The following SLC44A1 variants were observed in gnomAD, a reference collection of about 807,000 sequenced individuals.
SLC44A1 encodes choline transporter-like protein 1.
A neutral mutation model predicts 79.3 loss-of-function variants in SLC44A1; 26 were observed. The ratio of observed to expected loss-of-function variants is 0.33; its 90% CI spans 0.24 to 0.46. SLC44A1 has a LOEUF of 0.46. Ranked by LOEUF, SLC44A1 falls within the 20% of genes least tolerant of loss-of-function variation. The probability of loss-of-function intolerance (pLI) is 1.00; values close to 1 mark genes in which losing one functional copy is unlikely to be tolerated. For missense variants in SLC44A1, 688 were observed against 798.1 expected (o/e 0.86, Z 1.66); for synonymous variants, 263 against 286.2 (o/e 0.92, Z 0.82).
At chr9:105,417,700 G>A (rs1337081392) in intron 15 of SLC44A1, among the ~76,000 whole-genome samples, 1 of 151,972 alleles carries the variant, frequency 6.6e-6, no homozygotes, top group African/African-American at 2.4e-5. Flanking sequence ...ATATCAGTGA[G>A]CCATCAGAAG....
At position 105,395,236 on chromosome 9, in the gene SLC44A1, T is replaced by C. The variant is rs1265487190; in HGVS notation, c.*6180T>C. 3 of 966,832 alleles carry C rather than the reference T, an allele frequency of 3.1e-6. No homozygotes were observed. Among genetic ancestry groups the C allele is most frequent in the Non-Finnish European group, 3.7e-6 (3 of 813,184 alleles). The allele number at this position is 966,832 out of a possible 1,614,324, so 59.9% of individuals were successfully genotyped here. A position where few individuals can be genotyped will look rare whatever the true frequency, so the allele number is the denominator to read the frequency against. ...TTTTTTGTTTGTTTTTGGTGTTTTT[T>C]TGAGACGGAGTCTCGCTCTATCGCC... On this transcript the variant is annotated 3_prime_UTR_variant, in exon 16 of 16. Coordinates refer to ENST00000374720, the MANE Select transcript of SLC44A1 (RefSeq NM_080546.5).
In SLC44A1 at chr9:105,374,630, C is replaced by T. The variant is rs1011853426; in HGVS notation, c.1527C>T (p.Thr509=). 6.2e-7 allele frequency: 1 copy of T among 1,614,010 alleles called. No homozygotes were observed. The highest frequency in any genetic ancestry group is 8.5e-7 in the Non-Finnish European group (1 of 1,179,968). ...ACACAGCCACAGCTATCAACAGCAC[C>T]AACTTCTGCACCTCAGCAAAGGATG... is the stretch of plus-strand genomic sequence containing the variant. ...NAYTATAINS[T]NFCTSAKDAF... is the part of the protein sequence containing the mutation. Residue 509 remains threonine (T), a synonymous_variant, in exon 13 of 16, where the codon ACC becomes ACT. Coordinates refer to ENST00000374720, the MANE Select transcript of SLC44A1 (RefSeq NM_080546.5).
intron 3 of SLC44A1, among the ~76,000 whole-genome samples, chr9:105,320,442 A>T (rs982850885): frequency 3.3e-5 from 5 of 152,108 alleles, no homozygotes; most frequent in African/African-American, 1.2e-4. Context: ...CTTTATAAGA[A>T]ATTATCAAGC....
intron 12 of SLC44A1, 37 bp from the exon 13 acceptor site, chr9:105,374,561 A>G: frequency 6.3e-7 from 1 of 1,590,766 alleles, no homozygotes; most frequent in Non-Finnish European, 8.6e-7. Flanking sequence ...AGGAAGTTTC[A>G]ATTGTTGACG....
intron 7 of SLC44A1, among the ~76,000 whole-genome samples, chr9:105,359,528 T>A (rs1827720676): frequency 6.6e-6 from 1 of 152,172 alleles, no homozygotes. Flanking sequence ...TTAAATTAGA[T>A]CACATCTATA....
chr9:105,342,916 G>A (rs1051143059), intron 4 of SLC44A1, among the ~76,000 whole-genome samples: 1 of 151,624 alleles, frequency 6.6e-6, no homozygotes, highest in African/African-American at 2.4e-5. Context: ...AAGGCGGGAG[G>A]ATCACTTGAG....
At chr9:105,272,962 C>CAT (rs3030588) in intron 1 of SLC44A1, among the ~76,000 whole-genome samples, 6,915 of 148,556 alleles carry the variant, frequency 0.047, 446 homozygotes, top group African/African-American at 0.15. Flanking sequence ...AATTTTCTTT[C>CAT]ATATATATAT....
intron 15 of SLC44A1, among the ~76,000 whole-genome samples, chr9:105,420,332 CTT>C (rs575895579): frequency 3.0e-4 from 46 of 152,202 alleles, no homozygotes; most frequent in Admixed American, 2.9e-3. Context: ...AAATTGGTGA[CTT>C]TTTTTATTTA....
At chr9:105,256,086 C>T (rs546530723) in intron 1 of SLC44A1, among the ~76,000 whole-genome samples, 4 of 151,860 alleles carry the variant, frequency 2.6e-5, no homozygotes, top group African/African-American at 7.3e-5. Context: ...GATCTCGGCT[C>T]ACTGCAACCT....
At chr9:105,259,460 A>G (rs553780540) in intron 1 of SLC44A1, among the ~76,000 whole-genome samples, 1 of 152,334 alleles carries the variant, frequency 6.6e-6, no homozygotes, top group South Asian at 2.1e-4. Context: ...CTGGAGCACA[A>G]ATGATTAGTG....
At chr9:105,383,957 T>C (rs1828552641) in intron 14 of SLC44A1, among the ~76,000 whole-genome samples, 1 of 152,198 alleles carries the variant, frequency 6.6e-6, no homozygotes, top group African/African-American at 2.4e-5. Context: ...TTTAAAATTT[T>C]GAAAACCTTA....
intron 1 of SLC44A1, among the ~76,000 whole-genome samples, chr9:105,245,288 T>A (rs114907728): frequency 0.055 from 8,391 of 151,932 alleles, 299 homozygotes; most frequent in Non-Finnish European, 0.08. Context: ...GCTCCTCTCT[T>A]CCACCTCCGT....
chr9:105,288,041 G>A (rs1173137100), intron 1 of SLC44A1, among the ~76,000 whole-genome samples: 1 of 152,074 alleles, frequency 6.6e-6, no homozygotes, highest in Non-Finnish European at 1.5e-5. Flanking sequence ...AAATCAGAAT[G>A]GGAAAAATGC....
intron 5 of SLC44A1, among the ~76,000 whole-genome samples, chr9:105,352,656 A>G (rs1473062239): frequency 6.6e-6 from 1 of 152,218 alleles, no homozygotes; most frequent in East Asian, 1.9e-4. Flanking sequence ...TTTAATTAAG[A>G]AGCACAAAAT....
exon 16 of SLC44A1, chr9:105,438,487 A>G (rs1829491706): frequency 3.9e-6 from 2 of 513,410 alleles, no homozygotes; most frequent in East Asian, 6.0e-5. Flanking sequence ...ATAAATAATC[A>G]AAAGCATTTG....
At chr9:105,327,810 G>A (rs1344700882) in intron 3 of SLC44A1, among the ~76,000 whole-genome samples, 1 of 152,116 alleles carries the variant, frequency 6.6e-6, no homozygotes, top group Non-Finnish European at 1.5e-5. Context: ...CATTAATGGG[G>A]TACGTTTGAT....
chr9:105,335,497 C>A, intron 3 of SLC44A1, 66 bp from the exon 4 acceptor site: 2 of 1,283,016 alleles, frequency 1.6e-6, no homozygotes, highest in Non-Finnish European at 1.1e-6. Flanking sequence ...TAGGCTTAGT[C>A]AAATATGCAG....
chr9:105,342,479 A>G (rs571481644), intron 4 of SLC44A1, among the ~76,000 whole-genome samples: 40 of 152,208 alleles, frequency 2.6e-4, no homozygotes, highest in Non-Finnish European at 4.9e-4. Flanking sequence ...AGAGGGAACT[A>G]TGTACATTGT....
intron 1 of SLC44A1, among the ~76,000 whole-genome samples, chr9:105,282,275 C>G (rs1588730361): frequency 6.6e-6 from 1 of 151,010 alleles, no homozygotes; most frequent in Non-Finnish European, 1.5e-5. Context: ...TAGTATCTCT[C>G]ATTTGTAGAG....
Sources: gnomAD v4.1 joint callset for allele counts (sites outside exome capture counted in the v4.1 genomes callset) on GRCh38, gnomAD v4.1.1 for gene constraint, MANE v1.5 for transcripts, NCBI Gene and HGNC (gene_info 2026-07-23, HGNC 2026-07-21) for gene names.